The following NCEH1 variants were observed in gnomAD, a reference collection of about 807,000 sequenced individuals.
The protein encoded by NCEH1 is neutral cholesterol ester hydrolase 1.
Under a neutral mutation model 25.4 loss-of-function variants are expected in NCEH1, and 9 were observed. That is an observed-to-expected ratio of 0.35 (90% CI 0.21 to 0.62). The LOEUF is 0.62. Ranked by LOEUF, NCEH1 falls within the 20% of genes least tolerant of loss-of-function variation. The probability of loss-of-function intolerance (pLI) is 0.72; values close to 1 mark genes in which losing one functional copy is unlikely to be tolerated. For synonymous variants in NCEH1, 200 were observed against 199.8 expected (o/e 1.00, Z -0.01); for missense variants, 412 against 501.1 (o/e 0.82, Z 1.70).
chr3:172,656,058 T>C (rs1429077331), intron 1 of NCEH1, among the ~76,000 whole-genome samples: 2 of 152,152 alleles, frequency 1.3e-5, no homozygotes, highest in Admixed American at 1.3e-4. Flanking sequence ...ATCATTGGTG[T>C]TGGCTATGGG....
intron 1 of NCEH1, among the ~76,000 whole-genome samples, chr3:172,701,589 A>G (rs1713686428): frequency 6.8e-6 from 1 of 147,702 alleles, no homozygotes; most frequent in Admixed American, 6.8e-5. Flanking sequence ...AGCTGGGACT[A>G]CAGACGCGTG....
intron 1 of NCEH1, chr3:172,680,714 A>G (rs1412700099): frequency 6.6e-6 from 1 of 151,672 alleles, no homozygotes; most frequent in East Asian, 1.9e-4. Flanking sequence ...CTTCTCTAAC[A>G]TGGCAGACTC....
At chr3:172,634,634 A>T (rs28376874) in intron 4 of NCEH1, among the ~76,000 whole-genome samples, 5 of 152,126 alleles carry the variant, frequency 3.3e-5, no homozygotes, top group Non-Finnish European at 7.3e-5. Context: ...TCCATTCTAC[A>T]TAATGAGCAT....
At chr3:172,660,881 C>T (rs1233344979) in intron 1 of NCEH1, among the ~76,000 whole-genome samples, 1 of 152,162 alleles carries the variant, frequency 6.6e-6, no homozygotes, top group African/African-American at 2.4e-5. Context: ...AGCCCTTTGT[C>T]AGATGGGAAG....
At chr3:172,649,070 T>C (rs1296476257) in intron 1 of NCEH1, among the ~76,000 whole-genome samples, 2 of 152,242 alleles carry the variant, frequency 1.3e-5, no homozygotes, top group Admixed American at 6.5e-5. Context: ...ATGTCTGCGA[T>C]GTGGCACCTT....
intron 1 of NCEH1, among the ~76,000 whole-genome samples, chr3:172,686,631 C>A (rs532979383): frequency 6.6e-6 from 1 of 152,266 alleles, no homozygotes; most frequent in East Asian, 1.9e-4. Flanking sequence ...GGAATAAGCC[C>A]AGAGTATCCT....
intron 1 of NCEH1, among the ~76,000 whole-genome samples, chr3:172,695,411 A>T (rs991318330): frequency 6.6e-6 from 1 of 152,216 alleles, no homozygotes; most frequent in African/African-American, 2.4e-5. Context: ...AGCCCAGTGG[A>T]GCTCCTTGAT....
rs1016667010 is a variant in NCEH1 at position 172,650,016 on chromosome 3, G to A, written c.139-1902C>T. 3.9e-5 allele frequency among the ~76,000 whole-genome samples: 6 copies of A among 152,214 alleles called. 1 individual carries two copies. Among genetic ancestry groups the A allele is most frequent in the Non-Finnish European group, 5.9e-5 (4 of 68,044 alleles). ...AGAAGACTGTACATTTTATAAGAGAGCCCACCTCGAGTTTCCTTTATGTAA... is the reference window on the plus strand; with the variant it reads ...AGAAGACTGTACATTTTATAAGAGAACCCACCTCGAGTTTCCTTTATGTAA... On this transcript the variant is annotated intron_variant, in intron 1 of 4. Transcript: ENST00000475381.
At chr3:172,695,744 G>A (rs1713324760) in intron 1 of NCEH1, among the ~76,000 whole-genome samples, 1 of 152,086 alleles carries the variant, frequency 6.6e-6, no homozygotes, top group African/African-American at 2.4e-5. Flanking sequence ...AGGAGTTTGA[G>A]ACCAGCCTGG....
chr3:172,657,630 G>T (rs1717760085), intron 1 of NCEH1, among the ~76,000 whole-genome samples: 1 of 152,134 alleles, frequency 6.6e-6, no homozygotes, highest in African/African-American at 2.4e-5. Context: ...GCTGCATACT[G>T]CTGTCAGAGT....
intron 1 of NCEH1, among the ~76,000 whole-genome samples, chr3:172,687,245 C>T (rs1457085922): frequency 1.3e-5 from 2 of 152,292 alleles, no homozygotes; most frequent in African/African-American, 2.4e-5. Context: ...ACCCATTCTT[C>T]AAGGTACAGC....
chr3:172,694,421 T>G (rs1378744167), intron 1 of NCEH1, among the ~76,000 whole-genome samples: 1 of 152,148 alleles, frequency 6.6e-6, no homozygotes, highest in Non-Finnish European at 1.5e-5. Flanking sequence ...TGTGTATGTG[T>G]GTATTTTACT....
intron 1 of NCEH1, 36 bp downstream of exon 1, chr3:172,710,811 G>T (rs759270124): frequency 4.3e-6 from 7 of 1,610,192 alleles, no homozygotes; most frequent in Non-Finnish European, 8.5e-7. Flanking sequence ...TTGCGTAAGA[G>T]GAGGAAGAGA....
At chr3:172,638,485 G>A (rs539766198) in intron 3 of NCEH1, among the ~76,000 whole-genome samples, 2 of 132,504 alleles carry the variant, frequency 1.5e-5, no homozygotes, top group South Asian at 2.4e-4. Flanking sequence ...GTAGAATTAC[G>A]CAGTTTTGTC....
At chr3:172,687,854 T>A (rs1287892782) in intron 1 of NCEH1, among the ~76,000 whole-genome samples, 2 of 152,254 alleles carry the variant, frequency 1.3e-5, no homozygotes, top group Admixed American at 1.3e-4. Flanking sequence ...GCTGTCAAGC[T>A]GGCTGTTTGA....
chr3:172,678,679 A>T (rs1712158126), intron 1 of NCEH1, among the ~76,000 whole-genome samples: 1 of 150,732 alleles, frequency 6.6e-6, no homozygotes, highest in South Asian at 2.1e-4. Flanking sequence ...CTACTCATTC[A>T]AACATTTAAA....
intron 1 of NCEH1, among the ~76,000 whole-genome samples, chr3:172,653,744 G>GGTT (rs1553830325): frequency 1.9e-4 from 18 of 95,672 alleles, no homozygotes; most frequent in South Asian, 4.0e-4. Flanking sequence ...TGTTTTTTTT[G>GGTT]TTTTTTTGTT....
chr3:172,652,043 A>T, intron 1 of NCEH1, among the ~76,000 whole-genome samples: 1 of 152,300 alleles, frequency 6.6e-6, no homozygotes, highest in East Asian at 1.9e-4. Context: ...GGGGTACAAA[A>T]ACTCCCAGAT....
At chr3:172,709,215 A>G (rs548129626) in intron 1 of NCEH1, among the ~76,000 whole-genome samples, 1 of 152,336 alleles carries the variant, frequency 6.6e-6, no homozygotes, top group East Asian at 1.9e-4. Flanking sequence ...CTTGTCCGAG[A>G]TTAACTTATG....
Sources: allele counts gnomAD v4.1 joint callset (sites outside exome capture counted in the v4.1 genomes callset), GRCh38; gene constraint gnomAD v4.1.1; transcripts MANE v1.5; gene names NCBI Gene and HGNC (gene_info 2026-07-23, HGNC 2026-07-21).